The following RYR2 variants were observed in gnomAD, a reference collection of about 807,000 sequenced individuals.
RYR2 encodes the protein ryanodine receptor 2, also known as cardiac muscle ryanodine receptor-calcium release channel.
A neutral mutation model predicts 601.1 loss-of-function variants in RYR2; 227 were observed. The observed-to-expected ratio is 0.38, with a 90% CI of 0.34 to 0.42. The LOEUF is 0.42. Ranked by LOEUF, RYR2 falls within the 10% of genes least tolerant of loss-of-function variation. RYR2 has a pLI of 1.00. For missense variants in RYR2, 4,646 were observed against 6,156.5 expected (o/e 0.75, Z 8.21); for synonymous variants, 2,223 against 2,175.1 (o/e 1.02, Z -0.61).
chr1:237,500,145 G>A lies in RYR2; in HGVS notation c.2204-566G>A, dbSNP rs919015167. Among the ~76,000 whole-genome samples, 8 of 152,088 alleles carry A rather than the reference G, an allele frequency of 5.3e-5. No individual in the cohort carries two copies. In the South Asian group the frequency reaches 1.0e-3, roughly 20 times the overall value. ...ATGAATGATCATATTTTCTGCTTTC[G>A]TTATCTTTATGTATTTTTATTTTAA... On this transcript the variant is annotated intron_variant, in intron 20 of 104. Transcript: ENST00000366574.
At chr1:237,086,247 T>G (rs12059960) in intron 1 of RYR2, among the ~76,000 whole-genome samples, 2,702 of 152,348 alleles carry the variant, frequency 0.018, 55 homozygotes, top group African/African-American at 0.053. Context: ...CCCTTGACTC[T>G]TAGATGGCTG....
intron 8 of RYR2, among the ~76,000 whole-genome samples, chr1:237,381,382 A>C (rs1332157303): frequency 6.6e-6 from 1 of 152,190 alleles, no homozygotes; most frequent in African/African-American, 2.4e-5. Flanking sequence ...CTATCATGTG[A>C]AAGCAAGGTT....
At position 237,566,589 on chromosome 1, in the gene RYR2, C is replaced by T. The variant is rs770116364; in HGVS notation, c.3237C>T (p.Ser1079=). ...QDHAARAEVC[S]GTGERFRIFR... ...CAGCAGCCAGAGCCGAAGTGTGCAGCGGCACCGGGGAAAGGTTCCGAATCT... is the reference window on the plus strand; with the variant it reads ...CAGCAGCCAGAGCCGAAGTGTGCAGTGGCACCGGGGAAAGGTTCCGAATCT... The change falls in exon 28 of 105, where the codon AGC becomes AGT. Residue 1079 remains serine (S), a synonymous_variant. Coordinates refer to ENST00000366574, the MANE Select transcript of RYR2 (RefSeq NM_001035.3). 17 of 1,613,776 alleles carry T rather than the reference C, an allele frequency of 1.1e-5. No individual in the cohort carries two copies. The highest frequency in any genetic ancestry group is 8.9e-5 in the East Asian group (4 of 44,870).
intron 9 of RYR2, 71 bp from the exon 10 acceptor site, chr1:237,388,016 C>A: frequency 7.4e-7 from 1 of 1,354,322 alleles, no homozygotes; most frequent in Non-Finnish European, 1.0e-6. Context: ...GAAGATTGGA[C>A]CAGATGATCT....
chr1:237,615,346 T>G (rs1416576410), intron 37 of RYR2, among the ~76,000 whole-genome samples: 1 of 152,066 alleles, frequency 6.6e-6, no homozygotes, highest in Non-Finnish European at 1.5e-5. Context: ...TATGCCACCA[T>G]GCCCAGTTAA....
intron 63 of RYR2, among the ~76,000 whole-genome samples, chr1:237,690,205 A>G (rs1686816863): frequency 1.3e-5 from 2 of 152,160 alleles, no homozygotes; most frequent in Admixed American, 6.6e-5. Flanking sequence ...TAAATGTCAC[A>G]TATTATGGGC....
At chr1:237,206,352 A>G (rs1681819294) in intron 1 of RYR2, among the ~76,000 whole-genome samples, 1 of 152,220 alleles carries the variant, frequency 6.6e-6, no homozygotes, top group African/African-American at 2.4e-5. Flanking sequence ...AAACACTTTT[A>G]TCTCTTGTTA....
chr1:237,831,441 T>A, intron 103 of RYR2, 73 bp from the exon 104 acceptor site: 1 of 833,984 alleles, frequency 1.2e-6, no homozygotes, highest in Non-Finnish European at 2.0e-6. Context: ...ACCATACAAT[T>A]TATCTAAATA....
intron 1 of RYR2, among the ~76,000 whole-genome samples, chr1:237,226,618 C>T (rs1315804733): frequency 1.3e-5 from 2 of 152,156 alleles, no homozygotes; most frequent in Admixed American, 6.5e-5. Flanking sequence ...ATGGGTCACA[C>T]TGGACTGCTA....
chr1:237,269,216 T>C (rs929155528), intron 1 of RYR2, among the ~76,000 whole-genome samples: 3 of 151,690 alleles, frequency 2.0e-5, no homozygotes, highest in Admixed American at 2.0e-4. Context: ...CTAATTTTTG[T>C]ATTTTTGGTA....
At chr1:237,413,217 A>G (rs1432654063) in intron 10 of RYR2, among the ~76,000 whole-genome samples, 1 of 152,194 alleles carries the variant, frequency 6.6e-6, no homozygotes, top group South Asian at 2.1e-4. Flanking sequence ...TAAATAATCA[A>G]AAGAAGTCAT....
intron 1 of RYR2, among the ~76,000 whole-genome samples, chr1:237,155,662 T>C (rs1675246755): frequency 6.6e-6 from 1 of 152,190 alleles, no homozygotes; most frequent in South Asian, 2.1e-4. Context: ...AATGATTTAG[T>C]AGTTTATGTA....
rs1660015483 is a variant in RYR2, at chr1:237,801,856, A to T, written c.14091A>T (p.Val4697=). 1 of 1,579,890 alleles carries T rather than the reference A, an allele frequency of 6.3e-7. No individual in the cohort carries two copies. Among genetic ancestry groups the T allele is most frequent in the East Asian group, 2.2e-5 (1 of 44,476 alleles). ...GCATTTTTTTTTTTTGTCATTGCAG[A>T]CTGAACTCCATTGATGTGAAGTATC... ...KPKKDSSLSA[V]LNSIDVKYQM... Residue 4697 remains valine (V), a splice_region_variant and synonymous_variant, in exon 98 of 105, where the codon GTA becomes GTT. Transcript: ENST00000366574.
chr1:237,303,232 C>A (rs952159341), intron 2 of RYR2, among the ~76,000 whole-genome samples: 9 of 147,658 alleles, frequency 6.1e-5, no homozygotes, highest in African/African-American at 2.3e-4. Context: ...TATTAAAGTT[C>A]TAAAGGGTAT....
rs879519699 is a variant in RYR2, at chr1:237,455,510, C to T, written c.1476+936C>T. 2.0e-5 allele frequency among the ~76,000 whole-genome samples: 3 copies of T among 152,134 alleles called. 1 individual carries two copies. The highest frequency in any genetic ancestry group is 1.3e-4 in the Admixed American group (2 of 15,246). On this transcript the variant is annotated intron_variant, in intron 15 of 104. Coordinates refer to ENST00000366574, the MANE Select transcript of RYR2 (RefSeq NM_001035.3). ...GTGATGAAATCATTTATACTTCAAA[C>T]CCCAGTGACACGCAATATACCCACA...
intron 27 of RYR2, among the ~76,000 whole-genome samples, chr1:237,551,486 G>C (rs1241074133): frequency 7.1e-6 from 1 of 141,296 alleles, no homozygotes; most frequent in Admixed American, 7.9e-5. Flanking sequence ...AGCCGAGATG[G>C]CGCCACTGCA....
intron 24 of RYR2, among the ~76,000 whole-genome samples, chr1:237,519,316 G>T (rs1218027249): frequency 6.6e-6 from 1 of 152,042 alleles, no homozygotes; most frequent in Non-Finnish European, 1.5e-5. Flanking sequence ...TGTTTTTGTT[G>T]CCTGGGTTTT....
chr1:237,307,893 G>A (rs188730568), intron 2 of RYR2, among the ~76,000 whole-genome samples: 1 of 150,202 alleles, frequency 6.7e-6, no homozygotes, highest in African/African-American at 2.4e-5. Flanking sequence ...AATATTATCA[G>A]AGGCATTCGA....
At chr1:237,530,556 T>C (rs1358740358) in intron 25 of RYR2, 46 bp downstream of exon 25, 1 of 1,348,942 alleles carries the variant, frequency 7.4e-7, no homozygotes, top group South Asian at 1.2e-5. Context: ...TGTAGAGATT[T>C]AGTGCAACCA....
Sources: gnomAD v4.1 joint callset for allele counts (sites outside exome capture counted in the v4.1 genomes callset) on GRCh38, gnomAD v4.1.1 for gene constraint, MANE v1.5 for transcripts, NCBI Gene and HGNC (gene_info 2026-07-23, HGNC 2026-07-21) for gene names.